The following IMMP2L variants were observed in gnomAD, a reference collection of about 807,000 sequenced individuals.
The protein encoded by IMMP2L is inner mitochondrial membrane peptidase subunit 2.
IMMP2L carries 18 observed loss-of-function variants against 19.3 expected under a neutral mutation model. The observed-to-expected ratio is 0.93, with a 90% CI of 0.64 to 1.38. The LOEUF (loss-of-function observed/expected upper bound fraction) is 1.38, where lower values mean the gene tolerates loss of function less well. Ranked by LOEUF, IMMP2L falls within the 40% of genes most tolerant of loss-of-function variation. The pLI, the probability that IMMP2L is intolerant of heterozygous loss-of-function variation, is 0.00. For synonymous variants in IMMP2L, 76 were observed against 73.0 expected, an observed-to-expected ratio of 1.04 and a Z score of -0.21; for missense variants, 233 against 218.2, an observed-to-expected ratio of 1.07 and a Z score of -0.43.
chr7:110,867,410 G>A (rs1298080495), intron 5 of IMMP2L, among the ~76,000 whole-genome samples: 2 of 151,880 alleles, frequency 1.3e-5, no homozygotes, highest in Non-Finnish European at 2.9e-5. Flanking sequence ...GATTTCAGAA[G>A]GACATAATTC....
intron 3 of IMMP2L, among the ~76,000 whole-genome samples, chr7:111,252,660 C>A (rs924483950): frequency 6.6e-6 from 1 of 152,122 alleles, no homozygotes; most frequent in Non-Finnish European, 1.5e-5. Context: ...GGTCCTTGAG[C>A]ATTTAAATTA....
intron 3 of IMMP2L, among the ~76,000 whole-genome samples, chr7:111,071,980 G>C (rs1338953547): frequency 6.6e-6 from 1 of 151,652 alleles, no homozygotes; most frequent in Non-Finnish European, 1.5e-5. Context: ...AAAAATGAGG[G>C]GTCATGACAA....
At chr7:111,495,967 T>C (rs534310719) in intron 2 of IMMP2L, among the ~76,000 whole-genome samples, 1 of 152,276 alleles carries the variant, frequency 6.6e-6, no homozygotes, top group African/African-American at 2.4e-5. Context: ...ACAGTAGCCC[T>C]CAGACTTCTT....
At chr7:111,333,367 T>C (rs1393847367) in intron 3 of IMMP2L, among the ~76,000 whole-genome samples, 1 of 152,126 alleles carries the variant, frequency 6.6e-6, no homozygotes, top group Non-Finnish European at 1.5e-5. Context: ...TTGTTAACCT[T>C]ACATAATAGC....
intron 5 of IMMP2L, among the ~76,000 whole-genome samples, chr7:110,678,134 G>C (rs988897385): frequency 6.6e-6 from 1 of 151,972 alleles, no homozygotes; most frequent in Admixed American, 6.6e-5. Context: ...AAAATCGAAA[G>C]AGTTCCAAAA....
chr7:110,953,751 C>T (rs1218710826), intron 4 of IMMP2L, among the ~76,000 whole-genome samples: 3 of 152,134 alleles, frequency 2.0e-5, no homozygotes, highest in Non-Finnish European at 2.9e-5. Context: ...ACACTGTCTA[C>T]CACAATGGTT....
At chr7:111,010,966 C>G (rs773843049) in intron 3 of IMMP2L, among the ~76,000 whole-genome samples, 1 of 151,642 alleles carries the variant, frequency 6.6e-6, no homozygotes, top group Non-Finnish European at 1.5e-5. Flanking sequence ...AAGATACAGA[C>G]CCAGGTGTTG....
At chr7:110,755,670 T>C (rs1048032843) in intron 5 of IMMP2L, among the ~76,000 whole-genome samples, 2 of 152,090 alleles carry the variant, frequency 1.3e-5, no homozygotes, top group Admixed American at 6.6e-5. Context: ...TGTAAGGCTA[T>C]AGTGGAGTTG....
chr7:110,859,263 T>C (rs1807129875), intron 5 of IMMP2L, among the ~76,000 whole-genome samples: 1 of 152,044 alleles, frequency 6.6e-6, no homozygotes, highest in Non-Finnish European at 1.5e-5. Flanking sequence ...AATTTAGAGA[T>C]TTTCAGAAGT....
intron 5 of IMMP2L, among the ~76,000 whole-genome samples, chr7:110,875,617 T>C (rs1480370508): frequency 6.6e-6 from 1 of 152,182 alleles, no homozygotes; most frequent in African/African-American, 2.4e-5. Flanking sequence ...TTCATTTGCC[T>C]GCAGCTTCCC....
intron 3 of IMMP2L, among the ~76,000 whole-genome samples, chr7:111,241,649 G>T (rs944259349): frequency 6.6e-6 from 1 of 151,504 alleles, no homozygotes; most frequent in Non-Finnish European, 1.5e-5. Context: ...AGTACCAAGG[G>T]TCTAGCCAAA....
In IMMP2L at chr7:111,329,133, G is replaced by A. The variant is rs114625181; in HGVS notation, c.239+158105C>T. ...TCAAATTCATAATAAGCCAAGATAC[G>A]AAACATTTAAGTTGCTGCAGGATGT... is the stretch of plus-strand genomic sequence containing the variant. On this transcript the variant is annotated intron_variant, in intron 3 of 5. Coordinates refer to ENST00000405709, the MANE Select transcript of IMMP2L (RefSeq NM_032549.4). Among the ~76,000 whole-genome samples, 1,362 of 151,876 alleles carry A rather than the reference G, an allele frequency of 9.0e-3. 26 individuals carry two copies. Among genetic ancestry groups the A allele is most frequent in the African/African-American group, 0.031 (1,303 of 41,474 alleles).
At chr7:111,374,108 T>C (rs569364497) in intron 3 of IMMP2L, among the ~76,000 whole-genome samples, 3 of 152,078 alleles carry the variant, frequency 2.0e-5, no homozygotes, top group Non-Finnish European at 4.4e-5. Flanking sequence ...GATTATATAA[T>C]GGGAGCTGCT....
chr7:111,267,857 G>C (rs2130101829), intron 3 of IMMP2L, among the ~76,000 whole-genome samples: 1 of 148,778 alleles, frequency 6.7e-6, no homozygotes, highest in East Asian at 1.9e-4. Context: ...ATGTCTATGA[G>C]TTCATGAGTC....
chr7:111,145,134 G>A (rs1803329557), intron 3 of IMMP2L, among the ~76,000 whole-genome samples: 1 of 152,022 alleles, frequency 6.6e-6, no homozygotes, highest in Non-Finnish European at 1.5e-5. Context: ...CTGGAGGAGA[G>A]GAAACTAGAG....
At chr7:110,974,615 G>A (rs1029527555) in intron 3 of IMMP2L, among the ~76,000 whole-genome samples, 6 of 151,952 alleles carry the variant, frequency 3.9e-5, no homozygotes, top group South Asian at 2.1e-4. Flanking sequence ...CTTTCTCACC[G>A]CTGCCATCTG....
chr7:111,058,522 G>C (rs141161944), intron 3 of IMMP2L, among the ~76,000 whole-genome samples: 3,398 of 152,236 alleles, frequency 0.022, 134 homozygotes, highest in African/African-American at 0.077. Flanking sequence ...CACAATTAAA[G>C]AGAACAGGGT....
At chr7:111,453,590 A>G (rs1839417630) in intron 3 of IMMP2L, among the ~76,000 whole-genome samples, 1 of 152,178 alleles carries the variant, frequency 6.6e-6, no homozygotes, top group Non-Finnish European at 1.5e-5. Context: ...ACATGTAAAG[A>G]TACATGCTAC....
chr7:111,278,298 T>C lies in IMMP2L; in HGVS notation c.239+208940A>G, dbSNP rs532400866. Among the ~76,000 whole-genome samples the C allele has an allele frequency of 5.9e-5, 9 of 152,314 alleles. No individual in the cohort carries two copies. In the East Asian group the frequency reaches 1.2e-3, roughly 20 times the overall value. On this transcript the variant is annotated intron_variant, in intron 3 of 5. Transcript: ENST00000405709. The stretch of plus-strand genomic sequence containing the variant: ...TCAACAATTTCTGCCCTATGGTATA[T>C]AGAGAAAATTATACTCTTTATATGA...
Sources: gnomAD v4.1 joint callset for allele counts (sites outside exome capture counted in the v4.1 genomes callset) on GRCh38, gnomAD v4.1.1 for gene constraint, MANE v1.5 for transcripts, NCBI Gene and HGNC (gene_info 2026-07-23, HGNC 2026-07-21) for gene names.